The following PRAP1 variants were observed in gnomAD, a reference collection of about 807,000 sequenced individuals.
PRAP1 encodes proline-rich acidic protein 1.
In PRAP1, 12 loss-of-function variants were observed where a neutral mutation model predicts 14.6. The observed-to-expected ratio is 0.82, with a 90% confidence interval of 0.53 to 1.33. The LOEUF is 1.33. Ranked by LOEUF, PRAP1 falls within the 40% of genes most tolerant of loss-of-function variation. The pLI, the probability that PRAP1 is intolerant of heterozygous loss-of-function variation, is 0.00. For synonymous variants in PRAP1, 81 were observed against 80.3 expected (o/e 1.01, Z -0.04); for missense variants, 160 against 193.7 (o/e 0.83, Z 1.03).
rs374533877 is a variant in PRAP1, at chr10:133,351,398, A to G, written c.93A>G (p.Gln31=). The G allele has an allele frequency of 3.7e-6, 6 of 1,611,940 alleles. No homozygotes were observed. Among genetic ancestry groups the G allele is most frequent in the African/African-American group, 2.7e-5 (2 of 74,866 alleles). Residue 31 remains glutamine, a synonymous_variant, in exon 3 of 5, where the codon CAA becomes CAG. Transcript: ENST00000433452. This position sits in a 1 kb window ranked among gnomAD's most constrained non-coding sequence, Gnocchi z 4.3. ...TCCCCCAGGTCCCTATCAAGATGCA[A>G]GTCAAACACTGGCCCTCAGAGCAGG... is the stretch of plus-strand genomic sequence containing the variant. ...VPAPKVPIKM[Q]VKHWPSEQDP...
intron 2 of PRAP1, among the ~76,000 whole-genome samples, chr10:133,350,920 GGTTGGCTGGGCTC>G (rs1201397083): frequency 4.1e-3 from 5 of 1,216 alleles, no homozygotes; most frequent in Non-Finnish European, 8.4e-3. Context: ...TGACAACTAA[GGTTGGCTGGGCTC>G]AGAGCAGCTG....
rs202177255 is a variant in PRAP1 at position 133,352,177 on chromosome 10, G to C, written c.262+37G>C. 9 of 1,612,298 alleles carry C rather than the reference G, an allele frequency of 5.6e-6. No individual in the cohort carries two copies. The African/African-American group carries it at 1.2e-4, about 21-fold the overall frequency. On this transcript the variant is annotated intron_variant, in intron 4 of 4. Coordinates refer to ENST00000433452, the MANE Select transcript of PRAP1 (RefSeq NM_145202.5). The stretch of plus-strand genomic sequence containing the variant: ...GTCACAGCAGCAGAGTCCGCTCGTG[G>C]GGTTGACTTGGACAGACCAAGGGTC...
In PRAP1 at chr10:133,351,855, C is replaced by A; in HGVS notation, c.129-152C>A. The A allele has an allele frequency of 2.0e-6, 2 of 1,007,540 alleles. No homozygotes were observed. Among genetic ancestry groups the A allele is most frequent in the Non-Finnish European group, 2.9e-6 (2 of 694,854 alleles). 62.4% of individuals were successfully genotyped at this position (1,007,540 alleles called of 1,614,324 possible). On this transcript the variant is annotated intron_variant, in intron 3 of 4. Transcript: ENST00000433452. This position sits in a 1 kb window ranked among gnomAD's most constrained non-coding sequence, Gnocchi z 4.3. Reference sequence around the variant, plus strand: ...GAAGCCTGGCCGGGAGCACTGGGGGCCACTCATCACTGGCTCTTGAGAGAG... The same window carrying A: ...GAAGCCTGGCCGGGAGCACTGGGGGACACTCATCACTGGCTCTTGAGAGAG...
intron 1 of PRAP1, among the ~76,000 whole-genome samples, chr10:133,349,753 G>A (rs1848648188): frequency 6.6e-6 from 1 of 152,218 alleles, no homozygotes. Context: ...GTTCATGTGT[G>A]TCCCCACGTG....
At chr10:133,348,861 A>T (rs921272238) in intron 1 of PRAP1, among the ~76,000 whole-genome samples, 12 of 151,604 alleles carry the variant, frequency 7.9e-5, no homozygotes, top group African/African-American at 2.7e-4. Context: ...GAGTTTTGCC[A>T]TGTTGGCCAG....
chr10:133,351,188 G>A lies in PRAP1; in HGVS notation c.76-193G>A, dbSNP rs566468639. Among the ~76,000 whole-genome samples, 130 of 152,130 alleles carry A rather than the reference G, an allele frequency of 8.5e-4. 2 individuals carry two copies. Among genetic ancestry groups the A allele is most frequent in the Non-Finnish European group, 1.2e-3 (81 of 68,012 alleles). ...GGCACAGGCCGGCAACCTCAATCCCGGCTTGCAATCCCAACACCCGAGAGT... is the reference window on the plus strand; with the variant it reads ...GGCACAGGCCGGCAACCTCAATCCCAGCTTGCAATCCCAACACCCGAGAGT... On this transcript the variant is annotated intron_variant, in intron 2 of 4. Coordinates refer to ENST00000433452, the MANE Select transcript of PRAP1 (RefSeq NM_145202.5). The surrounding 1 kb of genome is among the most constrained non-coding windows in gnomAD (Gnocchi z 4.3).
chr10:133,352,159 C>A lies in PRAP1; in HGVS notation c.262+19C>A. 2 of 1,612,626 alleles carry A rather than the reference C, an allele frequency of 1.2e-6. No individual in the cohort carries two copies. The highest frequency in any genetic ancestry group is 1.7e-6 in the Non-Finnish European group (2 of 1,179,738). On this transcript the variant is annotated intron_variant, in intron 4 of 4. Transcript: ENST00000433452. ...CTTCCAGGTGGGCACAAGGTCACAG[C>A]AGCAGAGTCCGCTCGTGGGGTTGAC...
At position 133,352,205 on chromosome 10, in the gene PRAP1, G is replaced by A. The variant is rs748501552; in HGVS notation, c.263-42G>A. 84 of 1,610,626 alleles carry A rather than the reference G, an allele frequency of 5.2e-5. No homozygotes were observed. In the African/African-American group the frequency reaches 5.3e-4, roughly 10 times the overall value. On this transcript the variant is annotated intron_variant, in intron 4 of 4. Transcript: ENST00000433452. Reference sequence around the variant, plus strand: ...TTGACTTGGACAGACCAAGGGTCTCGGGAAAGAAACTGAGACTATACCTTC... The same window carrying A: ...TTGACTTGGACAGACCAAGGGTCTCAGGAAAGAAACTGAGACTATACCTTC...
Position 133,351,375 on chromosome 10 carries a change from C to T in PRAP1, c.76-6C>T. 6.2e-7 allele frequency: 1 copy of T among 1,611,120 alleles called. No homozygotes were observed. On this transcript the variant is annotated splice_region_variant and splice_polypyrimidine_tract_variant and intron_variant, in intron 2 of 4. Transcript: ENST00000433452. The surrounding 1 kb of genome is among the most constrained non-coding windows in gnomAD (Gnocchi z 4.3). The stretch of plus-strand genomic sequence containing the variant: ...GGCCCAGCCCACACCTGTGACTCTC[C>T]CCCAGGTCCCTATCAAGATGCAAGT...
At position 133,351,781 on chromosome 10, in the gene PRAP1, C is replaced by A. The variant is rs909346135; in HGVS notation, c.129-226C>A. On this transcript the variant is annotated intron_variant, in intron 3 of 4. Coordinates refer to ENST00000433452, the MANE Select transcript of PRAP1 (RefSeq NM_145202.5). The surrounding 1 kb of genome is among the most constrained non-coding windows in gnomAD (Gnocchi z 4.3). ...CCTTGCCCTTGGGACACTGCTCAAC[C>A]AAGGCTCTGACCACTGCTCCCCACG... Among the ~76,000 whole-genome samples the A allele has an allele frequency of 1.3e-5, 2 of 152,204 alleles. No individual in the cohort carries two copies. Among genetic ancestry groups the A allele is most frequent in the African/African-American group, 4.8e-5 (2 of 41,456 alleles).
chr10:133,349,690 T>C (rs1848647173), intron 1 of PRAP1, among the ~76,000 whole-genome samples: 1 of 152,270 alleles, frequency 6.6e-6, no homozygotes, highest in Admixed American at 6.5e-5. Flanking sequence ...GGCGTGGGGC[T>C]GTGGGCCCTC....
Position 133,352,246 on chromosome 10 carries a change from G to A in PRAP1, c.263-1G>A. On this transcript the variant is annotated splice_acceptor_variant, in intron 4 of 4. Coordinates refer to ENST00000433452, the MANE Select transcript of PRAP1 (RefSeq NM_145202.5). LOFTEE classifies it high-confidence loss of function. ...CTATACCTTCATGTGCTTGTCCCTA[G>A]GCACCAAGGCCTGGATGGAGACCGA... 1.2e-6 allele frequency: 2 copies of A among 1,612,772 alleles called. No individual in the cohort carries two copies. The highest frequency in any genetic ancestry group is 1.7e-6 in the Non-Finnish European group (2 of 1,179,770).
chr10:133,350,558 G>C (rs569223531), intron 2 of PRAP1: 43 of 193,968 alleles, frequency 2.2e-4, no homozygotes, highest in South Asian at 6.9e-4. Flanking sequence ...AGGTGGAGGA[G>C]GGCCCGGATG....
intron 2 of PRAP1, among the ~76,000 whole-genome samples, 180 bp downstream of exon 2, chr10:133,350,341 T>C (rs911633173): frequency 1.3e-5 from 2 of 152,186 alleles, no homozygotes; most frequent in African/African-American, 4.8e-5. Flanking sequence ...GGGGGCAGGC[T>C]TCCCTTCCCT....
chr10:133,349,611 C>G (rs1249923063), intron 1 of PRAP1, among the ~76,000 whole-genome samples: 2 of 152,266 alleles, frequency 1.3e-5, no homozygotes, highest in Non-Finnish European at 2.9e-5. Flanking sequence ...GCCCCCCAGC[C>G]GTGGCCCCGC....
Position 133,352,141 on chromosome 10 carries a change from G to C in PRAP1, c.262+1G>C, listed in dbSNP as rs1848689973. The C allele has an allele frequency of 6.2e-7, 1 of 1,612,882 alleles. No individual in the cohort carries two copies. On this transcript the variant is annotated splice_donor_variant, in intron 4 of 4. Transcript: ENST00000433452. LOFTEE classifies it high-confidence loss of function. ...CAGGGCAGGGGCCCCATCCTTCCAG[G>C]TGGGCACAAGGTCACAGCAGCAGAG... is the stretch of plus-strand genomic sequence containing the variant.
In PRAP1 at chr10:133,351,962, C is replaced by T; in HGVS notation, c.129-45C>T. The T allele has an allele frequency of 6.3e-7, 1 of 1,599,888 alleles. No homozygotes were observed. The highest frequency in any genetic ancestry group is 1.1e-5 in the South Asian group (1 of 89,734). ...GCACCCTCCTGCGGGGGGTTCTGTC[C>T]ACCTCCCCCACCTGCATGTGGACCT... is the stretch of plus-strand genomic sequence containing the variant. On this transcript the variant is annotated intron_variant, in intron 3 of 4. Transcript: ENST00000433452. This position sits in a 1 kb window ranked among gnomAD's most constrained non-coding sequence, Gnocchi z 4.3.
chr10:133,349,724 C>A (rs756826566), intron 1 of PRAP1, among the ~76,000 whole-genome samples: 1 of 152,166 alleles, frequency 6.6e-6, no homozygotes, highest in Non-Finnish European at 1.5e-5. Flanking sequence ...CACCCATACC[C>A]ACACCCATGT....
chr10:133,348,450 CT>C (rs1848619496), intron 1 of PRAP1, among the ~76,000 whole-genome samples: 1 of 152,126 alleles, frequency 6.6e-6, no homozygotes, highest in African/African-American at 2.4e-5. Flanking sequence ...GACACTGATT[CT>C]TCTGCCTCAG....
Sources: allele counts gnomAD v4.1 joint callset (sites outside exome capture counted in the v4.1 genomes callset), GRCh38; gene constraint gnomAD v4.1.1; non-coding constraint Gnocchi (gnomAD v3.1); transcripts MANE v1.5; gene names NCBI Gene and HGNC (gene_info 2026-07-23, HGNC 2026-07-21).